The following KATNAL2 variants were observed in gnomAD, a reference collection of about 807,000 sequenced individuals.
KATNAL2 encodes katanin catalytic subunit A1 like 2.
Under a neutral mutation model 76.3 loss-of-function variants are expected in KATNAL2, and 52 were observed. The ratio of observed to expected loss-of-function variants is 0.68; its 90% CI spans 0.55 to 0.86. The LOEUF (loss-of-function observed/expected upper bound fraction) is 0.86, where lower values mean the gene tolerates loss of function less well. Among genes scored for constraint, KATNAL2 ranks in the 40% least tolerant of loss-of-function variants. The probability of loss-of-function intolerance (pLI) is 0.00; values close to 1 mark genes in which losing one functional copy is unlikely to be tolerated. For synonymous variants in KATNAL2, 243 were observed against 244.2 expected (o/e 1.00, Z 0.05); for missense variants, 660 against 668.9 (o/e 0.99, Z 0.15).
At chr18:47,044,482 G>A (rs1254014860) in intron 3 of KATNAL2, among the ~76,000 whole-genome samples, 1 of 152,202 alleles carries the variant, frequency 6.6e-6, no homozygotes, top group Non-Finnish European at 1.5e-5. Context: ...ATGATGGCCA[G>A]GTGCGGTGGC....
intron 13 of KATNAL2, among the ~76,000 whole-genome samples, chr18:47,069,885 C>A (rs1053371505): frequency 1.3e-5 from 2 of 152,048 alleles, no homozygotes; most frequent in African/African-American, 2.4e-5. Flanking sequence ...AAATCTCTGA[C>A]GTGGCATATT....
At chr18:46,941,450 A>G (rs1170467965) in intron 1 of KATNAL2, among the ~76,000 whole-genome samples, 1 of 152,028 alleles carries the variant, frequency 6.6e-6, no homozygotes, top group Non-Finnish European at 1.5e-5. Context: ...CTAAAATTGG[A>G]TTATATTTTT....
rs982204645 is a variant in KATNAL2 at position 46,932,969 on chromosome 18, G to A, written c.-509-13088G>A. 2.6e-5 allele frequency among the ~76,000 whole-genome samples: 4 copies of A among 151,956 alleles called. No individual in the cohort carries two copies. In the East Asian group the frequency reaches 5.9e-4, roughly 22 times the overall value. On this transcript the variant is annotated intron_variant, in intron 1 of 17. Coordinates refer to ENST00000683218, the MANE Select transcript of KATNAL2 (RefSeq NM_001387690.1). The stretch of plus-strand genomic sequence containing the variant: ...ATAGAGACAGGGTTTCACTATGTTG[G>A]CCAGGCTGGTCTCAAACTCCTGACC...
chr18:47,036,027 C>G (rs1326669418), intron 3 of KATNAL2, among the ~76,000 whole-genome samples: 1 of 152,146 alleles, frequency 6.6e-6, no homozygotes, highest in Non-Finnish European at 1.5e-5. Flanking sequence ...GACAGTAGTT[C>G]GAGCACTGTC....
At chr18:46,967,435 A>G (rs1316016269) in intron 3 of KATNAL2, among the ~76,000 whole-genome samples, 5 of 119,654 alleles carry the variant, frequency 4.2e-5, no homozygotes, top group African/African-American at 1.6e-4. Context: ...TTCTCTCTCT[A>G]TCCCTCACTG....
chr18:47,070,492 A>G (rs1160212136), intron 13 of KATNAL2, among the ~76,000 whole-genome samples: 1 of 152,088 alleles, frequency 6.6e-6, no homozygotes, highest in Non-Finnish European at 1.5e-5. Flanking sequence ...GAATCTTCCA[A>G]TGACATTAAG....
At chr18:47,082,085 T>C (rs958802204) in intron 15 of KATNAL2, among the ~76,000 whole-genome samples, 3 of 152,234 alleles carry the variant, frequency 2.0e-5, no homozygotes, top group African/African-American at 7.2e-5. Flanking sequence ...TATGTGTGTA[T>C]ATCACAGAGC....
chr18:47,050,994 G>T (rs1339286874), intron 4 of KATNAL2, among the ~76,000 whole-genome samples: 4 of 152,202 alleles, frequency 2.6e-5, no homozygotes, highest in African/African-American at 9.6e-5. Context: ...GAGGGTCATG[G>T]ATGCTGGTTC....
chr18:46,920,385 C>T (rs996833695), intron 1 of KATNAL2, among the ~76,000 whole-genome samples: 1 of 152,162 alleles, frequency 6.6e-6, no homozygotes, highest in Admixed American at 6.5e-5. Flanking sequence ...GGAACACTCG[C>T]CATTTTGCTA....
At chr18:47,093,428 T>C (rs2063090036) in intron 15 of KATNAL2, among the ~76,000 whole-genome samples, 1 of 150,858 alleles carries the variant, frequency 6.6e-6, no homozygotes, top group Admixed American at 6.6e-5. Flanking sequence ...TGATCTCCTA[T>C]TGTCTGTTGG....
chr18:47,100,704 A>G (rs1357665232), intron 17 of KATNAL2, among the ~76,000 whole-genome samples, 162 bp from the exon 18 acceptor site: 4 of 152,182 alleles, frequency 2.6e-5, no homozygotes, highest in Non-Finnish European at 4.4e-5. Flanking sequence ...GTTGCACGTT[A>G]AAGAATTTTT....
Position 46,951,253 on chromosome 18 carries a change from A to T in KATNAL2, c.51+4330A>T, listed in dbSNP as rs191061690. Among the ~76,000 whole-genome samples the T allele has an allele frequency of 3.5e-3, 526 of 152,178 alleles. 1 individual carries two copies. The highest frequency in any genetic ancestry group is 0.01 in the African/African-American group (426 of 41,514). Reference sequence around the variant, plus strand: ...GCACTTTGGTTATATTTTATATTTTATTTAACTTTTGGGACAAGACTCAAT... The same window carrying T: ...GCACTTTGGTTATATTTTATATTTTTTTTAACTTTTGGGACAAGACTCAAT... On this transcript the variant is annotated intron_variant, in intron 3 of 17. Coordinates refer to ENST00000683218, the MANE Select transcript of KATNAL2 (RefSeq NM_001387690.1).
rs1028451430 is a variant in KATNAL2 at position 47,097,119 on chromosome 18, A to G, written c.1212-2124A>G. On this transcript the variant is annotated intron_variant, in intron 15 of 17. Transcript: ENST00000683218. Reference sequence around the variant, plus strand: ...GGGCAACAGAGGAAGACCCTGGCTCAAAAAAAAAAAAAAAAAAAAAATCCA... The same window carrying G: ...GGGCAACAGAGGAAGACCCTGGCTCGAAAAAAAAAAAAAAAAAAAAATCCA... Among the ~76,000 whole-genome samples, 62 of 117,312 alleles carry G rather than the reference A, an allele frequency of 5.3e-4. No homozygotes were observed. In the South Asian group the frequency reaches 6.9e-3, roughly 13 times the overall value. The allele number at this position is 117,312 out of a possible 152,430, so 77.0% of individuals were successfully genotyped here.
At chr18:46,938,911 G>A (rs568308306) in intron 1 of KATNAL2, among the ~76,000 whole-genome samples, 7 of 152,130 alleles carry the variant, frequency 4.6e-5, no homozygotes, top group Admixed American at 2.0e-4. Flanking sequence ...ATTAATACAT[G>A]TATTATGGGT....
chr18:47,073,324 T>C (rs1006460854), intron 13 of KATNAL2, among the ~76,000 whole-genome samples: 15 of 152,254 alleles, frequency 9.9e-5, no homozygotes, highest in Non-Finnish European at 2.2e-4. Context: ...TAGAAAATAT[T>C]TATATCCTTT....
At chr18:47,070,311 G>A (rs2061955611) in intron 13 of KATNAL2, among the ~76,000 whole-genome samples, 1 of 151,904 alleles carries the variant, frequency 6.6e-6, no homozygotes, top group African/African-American at 2.4e-5. Flanking sequence ...ATGTTGGCCA[G>A]GATGGTCTCG....
intron 10 of KATNAL2, among the ~76,000 whole-genome samples, chr18:47,064,285 T>C (rs2061723142): frequency 6.6e-6 from 1 of 151,672 alleles, no homozygotes; most frequent in Admixed American, 6.6e-5. Context: ...AGACAGGAAA[T>C]CGCTAAGGGA....
intron 6 of KATNAL2, among the ~76,000 whole-genome samples, chr18:47,056,240 C>A (rs971477138): frequency 1.3e-5 from 2 of 152,176 alleles, no homozygotes; most frequent in Non-Finnish European, 2.9e-5. Flanking sequence ...AGAGTTACAA[C>A]AAATAGCTCC....
At chr18:47,077,545 C>A in intron 15 of KATNAL2, 84 bp downstream of exon 15, 1 of 916,108 alleles carries the variant, frequency 1.1e-6, no homozygotes, top group Non-Finnish European at 1.8e-6. Flanking sequence ...CCACTTCAGG[C>A]AAAGCTGTGT....
Sources: gnomAD v4.1 joint callset for allele counts (sites outside exome capture counted in the v4.1 genomes callset) on GRCh38, gnomAD v4.1.1 for gene constraint, MANE v1.5 for transcripts, NCBI Gene and HGNC (gene_info 2026-07-23, HGNC 2026-07-21) for gene names.